The following CCDC178 variants were observed in gnomAD, a reference collection of about 807,000 sequenced individuals.
The protein encoded by CCDC178 is coiled-coil domain containing 178, also known as coiled-coil domain-containing protein 178.
Under a neutral mutation model 117.4 loss-of-function variants are expected in CCDC178, and 126 were observed. The ratio of observed to expected loss-of-function variants is 1.07; its 90% confidence interval spans 0.93 to 1.24. CCDC178 has a LOEUF of 1.24. CCDC178 is among the 50% of genes most tolerant of loss of function. The probability of loss-of-function intolerance (pLI) is 0.00; values close to 1 mark genes in which losing one functional copy is unlikely to be tolerated. For synonymous variants in CCDC178, 283 were observed against 313.4 expected (o/e 0.90, Z 1.02); for missense variants, 1,030 against 986.9 (o/e 1.04, Z -0.59).
At chr18:33,303,721 T>G (rs2062211413) in intron 11 of CCDC178, among the ~76,000 whole-genome samples, 2 of 152,042 alleles carry the variant, frequency 1.3e-5, no homozygotes, top group Non-Finnish European at 2.9e-5. Flanking sequence ...AGAAGATAGT[T>G]TTAATGGTAA....
chr18:33,216,454 G>C (rs1395737954), intron 18 of CCDC178, among the ~76,000 whole-genome samples: 1 of 151,958 alleles, frequency 6.6e-6, no homozygotes, highest in Non-Finnish European at 1.5e-5. Context: ...GTGTTCAAAT[G>C]GAACTGAGTG....
chr18:33,068,249 A>G (rs2144987287), intron 21 of CCDC178, among the ~76,000 whole-genome samples: 1 of 152,286 alleles, frequency 6.6e-6, no homozygotes, highest in African/African-American at 2.4e-5. Context: ...ACTTATAAAG[A>G]AGAACTTATA....
At chr18:33,141,912 C>T (rs1026324655) in intron 20 of CCDC178, among the ~76,000 whole-genome samples, 3 of 152,160 alleles carry the variant, frequency 2.0e-5, no homozygotes, top group Non-Finnish European at 4.4e-5. Context: ...TTTTCAGCAG[C>T]CACATAGTAA....
chr18:33,155,596 C>T (rs2058384470), intron 20 of CCDC178, among the ~76,000 whole-genome samples: 1 of 152,076 alleles, frequency 6.6e-6, no homozygotes, highest in Non-Finnish European at 1.5e-5. Flanking sequence ...AGAAAAAGAT[C>T]AGTTGCAAAT....
chr18:33,125,610 C>T (rs1412787044), intron 20 of CCDC178, among the ~76,000 whole-genome samples: 7 of 152,046 alleles, frequency 4.6e-5, no homozygotes, highest in East Asian at 1.9e-4. Flanking sequence ...CTGGCTGTGA[C>T]GTACCAGTTA....
intron 20 of CCDC178, among the ~76,000 whole-genome samples, chr18:33,142,477 T>C (rs955722727): frequency 2.0e-5 from 3 of 152,162 alleles, no homozygotes; most frequent in Admixed American, 2.0e-4. Flanking sequence ...ATAGAATGGA[T>C]GACTAGAAAA....
chr18:32,963,749 T>G (rs998071882), intron 22 of CCDC178, among the ~76,000 whole-genome samples: 2 of 152,020 alleles, frequency 1.3e-5, no homozygotes, highest in African/African-American at 4.8e-5. Context: ...CATTTGTATT[T>G]ACACAATATA....
intron 6 of CCDC178, among the ~76,000 whole-genome samples, chr18:33,366,794 G>A (rs1309119301): frequency 6.6e-6 from 1 of 151,980 alleles, no homozygotes; most frequent in Non-Finnish European, 1.5e-5. Flanking sequence ...GTGAAAGGGT[G>A]GTCCTGTTGT....
chr18:33,397,102 G>A, intron 4 of CCDC178, 47 bp downstream of exon 4: 1 of 1,215,472 alleles, frequency 8.2e-7, no homozygotes, highest in South Asian at 1.3e-5. Context: ...CAATTAATAT[G>A]TGACAGAAAA....
intron 3 of CCDC178, 82 bp downstream of exon 3, chr18:33,411,949 C>A: frequency 1.5e-6 from 1 of 668,298 alleles, no homozygotes; most frequent in Non-Finnish European, 2.5e-6. Flanking sequence ...ACTATCTTTG[C>A]AGTTGCCCTC....
chr18:33,345,062 G>A (rs2144674160), intron 9 of CCDC178, among the ~76,000 whole-genome samples: 1 of 152,150 alleles, frequency 6.6e-6, no homozygotes, highest in African/African-American at 2.4e-5. Context: ...CTAAATATGA[G>A]TACACTATGA....
chr18:33,386,696 A>G (rs1195665337), intron 5 of CCDC178, among the ~76,000 whole-genome samples: 1 of 152,186 alleles, frequency 6.6e-6, no homozygotes, highest in Non-Finnish European at 1.5e-5. Flanking sequence ...TCAATAAATT[A>G]GGTATTGAAG....
chr18:33,328,083 A>ATTTT lies in CCDC178; in HGVS notation c.880-4454_880-4451dup, dbSNP rs771034112. The ATTTT allele has an allele frequency of 1.8e-4, 18 of 100,716 alleles. No individual in the cohort carries two copies. The East Asian group carries it at 4.3e-3, about 24-fold the overall frequency. 6.2% of individuals were successfully genotyped at this position (100,716 alleles called of 1,614,324 possible). On this transcript the variant is annotated intron_variant, in intron 10 of 22. Transcript: ENST00000383096. ...CAAGGTCATAAAGATTTATCCCTAG[A>ATTTT]TTTTTTTTTTTTTTTTTTTTTTTTT...
chr18:33,412,882 A>C (rs2063878434), intron 2 of CCDC178, among the ~76,000 whole-genome samples: 2 of 152,150 alleles, frequency 1.3e-5, no homozygotes, highest in African/African-American at 4.8e-5. Flanking sequence ...ATTATCTTTT[A>C]GTCTATGCGT....
At chr18:33,004,300 T>C (rs1268994650) in intron 21 of CCDC178, among the ~76,000 whole-genome samples, 2 of 151,846 alleles carry the variant, frequency 1.3e-5, no homozygotes, top group Admixed American at 6.6e-5. Context: ...GGTAGACCAA[T>C]AGAACAGAAT....
At chr18:33,339,357 G>A (rs149027891) in intron 9 of CCDC178, among the ~76,000 whole-genome samples, 39 of 151,506 alleles carry the variant, frequency 2.6e-4, no homozygotes, top group Non-Finnish European at 4.3e-4. Context: ...GAATGACCAC[G>A]AAATAAAGAC....
intron 15 of CCDC178, among the ~76,000 whole-genome samples, chr18:33,243,138 G>A (rs1168203420): frequency 6.6e-6 from 1 of 151,796 alleles, no homozygotes; most frequent in East Asian, 1.9e-4. Flanking sequence ...GTTAAGTGAA[G>A]TCACTCAGGA....
In CCDC178 at chr18:33,346,225, A is replaced by G. The variant is rs769257391; in HGVS notation, c.644T>C (p.Leu215Ser). The change falls in exon 9 of 23, where the codon TTG becomes TCG. Residue 215 changes from leucine to serine, a missense_variant. Transcript: ENST00000383096. ...CCTATTATTACCTTTCTGCACAGCC[A>G]ATGGGAGTTCTTGAAGTTTCCAGAC... Reference protein sequence around the residue: ...WSVWKLQELPLAVQKEHEAYL... With the variant: ...WSVWKLQELPSAVQKEHEAYL... 1 of 1,612,104 alleles carries G rather than the reference A, an allele frequency of 6.2e-7. No individual in the cohort carries two copies. The highest frequency in any genetic ancestry group is 8.5e-7 in the Non-Finnish European group (1 of 1,178,372).
intron 20 of CCDC178, among the ~76,000 whole-genome samples, chr18:33,182,040 T>A (rs1018932199): frequency 2.0e-5 from 3 of 151,886 alleles, no homozygotes; most frequent in African/African-American, 7.2e-5. Context: ...TTTGTATCAT[T>A]GTGACTTGCA....
Sources: allele counts gnomAD v4.1 joint callset (sites outside exome capture counted in the v4.1 genomes callset), GRCh38; gene constraint gnomAD v4.1.1; transcripts MANE v1.5; gene names NCBI Gene and HGNC (gene_info 2026-07-23, HGNC 2026-07-21).